PPM1L: variants seen among roughly 807,000 people sequenced by gnomAD.
PPM1L encodes the protein protein phosphatase, Mg2+/Mn2+ dependent 1L.
PPM1L carries 13 observed loss-of-function variants against 31.4 expected under a neutral mutation model. That is an observed-to-expected ratio of 0.41 (90% CI 0.27 to 0.66). The LOEUF is 0.66. PPM1L is among the 30% of genes least tolerant of loss of function. PPM1L has a pLI of 0.29. For missense variants in PPM1L, 326 were observed against 453.7 expected (o/e 0.72, Z 2.56); for synonymous variants, 184 against 175.4 (o/e 1.05, Z -0.39).
In PPM1L at chr3:161,015,087, G is replaced by T. The variant is rs575689412; in HGVS notation, c.575-50316G>T. 4.0e-5 allele frequency among the ~76,000 whole-genome samples: 6 copies of T among 151,468 alleles called. No individual in the cohort carries two copies. In the South Asian group the frequency reaches 1.3e-3, roughly 32 times the overall value. ...GCAGTTGGTAGGGGGAGTAGCAAAGGGGGGTGAATGGGAGAAATTTGTAAT... is the reference window on the plus strand; with the variant it reads ...GCAGTTGGTAGGGGGAGTAGCAAAGTGGGGTGAATGGGAGAAATTTGTAAT... On this transcript the variant is annotated intron_variant, in intron 2 of 3. Transcript: ENST00000498165.
Position 160,922,042 on chromosome 3 carries a change from G to A in PPM1L, c.400-39694G>A, listed in dbSNP as rs539905401. Among the ~76,000 whole-genome samples the A allele has an allele frequency of 2.9e-4, 44 of 152,284 alleles. 1 individual carries two copies. Among genetic ancestry groups the A allele is most frequent in the South Asian group, 2.5e-3 (12 of 4,830 alleles). On this transcript the variant is annotated intron_variant, in intron 1 of 3. Transcript: ENST00000498165. Reference sequence around the variant, plus strand: ...ATTCCTGCTGACGGCTGGGCACGGTGGCTCACACCTGTAATCCCAGCACTT... The same window carrying A: ...ATTCCTGCTGACGGCTGGGCACGGTAGCTCACACCTGTAATCCCAGCACTT...
chr3:161,041,160 A>G (rs1294731847), intron 2 of PPM1L, among the ~76,000 whole-genome samples: 1 of 152,228 alleles, frequency 6.6e-6, no homozygotes, highest in African/African-American at 2.4e-5. Flanking sequence ...CCAGGTCTTT[A>G]GACAAACTCA....
intron 2 of PPM1L, among the ~76,000 whole-genome samples, chr3:161,010,266 C>T (rs1576780863): frequency 1.3e-5 from 2 of 151,662 alleles, no homozygotes; most frequent in African/African-American, 4.9e-5. Context: ...GGTTTTTTGT[C>T]CTTGTGCTAG....
intron 1 of PPM1L, among the ~76,000 whole-genome samples, chr3:160,808,403 G>GTGCGCGCGCGCA: frequency 2.7e-5 from 4 of 149,410 alleles, no homozygotes; most frequent in African/African-American, 1.0e-4. Context: ...GTGTGTGTGT[G>GTGCGCGCGCGCA]TGTGTGTGTG....
Position 160,824,242 on chromosome 3 carries a change from A to G in PPM1L, c.399+67535A>G, listed in dbSNP as rs568411729. On this transcript the variant is annotated intron_variant, in intron 1 of 3. Transcript: ENST00000498165. ...GCCATGAGAGGATAGAATGAGGAATAGGCAGTCTGCAACCTGGAAAAGAGT... is the reference window on the plus strand; with the variant it reads ...GCCATGAGAGGATAGAATGAGGAATGGGCAGTCTGCAACCTGGAAAAGAGT... Among the ~76,000 whole-genome samples, 3 of 152,198 alleles carry G rather than the reference A, an allele frequency of 2.0e-5. No homozygotes were observed. The South Asian group carries it at 6.2e-4, about 32-fold the overall frequency.
intron 1 of PPM1L, among the ~76,000 whole-genome samples, chr3:160,837,010 ATTAT>A (rs1713737676): frequency 6.6e-6 from 1 of 152,174 alleles, no homozygotes; most frequent in Non-Finnish European, 1.5e-5. Context: ...TACACATTGA[ATTAT>A]TTGAGTTCCA....
At chr3:161,013,196 T>C (rs1380624307) in intron 2 of PPM1L, among the ~76,000 whole-genome samples, 1 of 152,256 alleles carries the variant, frequency 6.6e-6, no homozygotes, top group Non-Finnish European at 1.5e-5. Flanking sequence ...CTGTTTTAAA[T>C]ATGTCCCAGA....
intron 2 of PPM1L, among the ~76,000 whole-genome samples, chr3:161,048,849 A>G (rs1576806178): frequency 6.9e-6 from 1 of 145,978 alleles, no homozygotes; most frequent in East Asian, 2.1e-4. Flanking sequence ...CAAACACTGC[A>G]TGTTCTCACT....
rs1719931558 is a variant in PPM1L, at chr3:161,071,907, C to T, written c.*2750C>T. The T allele has an allele frequency of 6.6e-6, 1 of 151,350 alleles. No individual in the cohort carries two copies. The highest frequency in any genetic ancestry group is 6.6e-5 in the Admixed American group (1 of 15,184). The allele number at this position is 151,350 out of a possible 1,614,324, so 9.4% of individuals were successfully genotyped here. On this transcript the variant is annotated 3_prime_UTR_variant, in exon 4 of 4. Coordinates refer to ENST00000498165, the MANE Select transcript of PPM1L (RefSeq NM_139245.4). ...CACTGCCAAAGCTTTGGAATTGTCACCCAAGGCTTCCTAGACTCCCTAGCT... is the reference window on the plus strand; with the variant it reads ...CACTGCCAAAGCTTTGGAATTGTCATCCAAGGCTTCCTAGACTCCCTAGCT...
intron 1 of PPM1L, among the ~76,000 whole-genome samples, chr3:160,767,610 T>C (rs1226884961): frequency 6.6e-6 from 1 of 152,218 alleles, no homozygotes; most frequent in Non-Finnish European, 1.5e-5. Context: ...TCTGGAGTAG[T>C]AAACACTTAT....
chr3:160,929,683 A>G (rs1223985948), intron 1 of PPM1L, among the ~76,000 whole-genome samples: 3 of 152,184 alleles, frequency 2.0e-5, no homozygotes, highest in East Asian at 1.9e-4. Context: ...GTTTTCAGCA[A>G]TCTGTTCCAT....
At chr3:160,921,635 C>T (rs1714410747) in intron 1 of PPM1L, among the ~76,000 whole-genome samples, 2 of 152,056 alleles carry the variant, frequency 1.3e-5, no homozygotes, top group African/African-American at 4.8e-5. Context: ...TAAATAATAA[C>T]TTCACATTTA....
At chr3:161,031,885 C>G (rs1171269062) in intron 2 of PPM1L, among the ~76,000 whole-genome samples, 1 of 152,054 alleles carries the variant, frequency 6.6e-6, no homozygotes, top group African/African-American at 2.4e-5. Context: ...GATGCTGTTC[C>G]CAAACAGCTT....
At chr3:160,882,759 C>A (rs1441180432) in intron 1 of PPM1L, among the ~76,000 whole-genome samples, 1 of 152,194 alleles carries the variant, frequency 6.6e-6, no homozygotes, top group Non-Finnish European at 1.5e-5. Flanking sequence ...CCCAGTTGTC[C>A]TCCTCAGAGG....
Position 161,049,453 on chromosome 3 carries a change from G to A in PPM1L, c.575-15950G>A, listed in dbSNP as rs150773414. ...AAACTTTAAAGAATCCTTAAATAAA[G>A]TTATATGCTGCTAAAACTAACTGCC... On this transcript the variant is annotated intron_variant, in intron 2 of 3. Transcript: ENST00000498165. Among the ~76,000 whole-genome samples, 653 of 152,258 alleles carry A rather than the reference G, an allele frequency of 4.3e-3. 4 individuals carry two copies. Among genetic ancestry groups the A allele is most frequent in the African/African-American group, 0.015 (626 of 41,538 alleles).
At chr3:161,053,169 G>C (rs1002675166) in intron 2 of PPM1L, among the ~76,000 whole-genome samples, 6 of 152,180 alleles carry the variant, frequency 3.9e-5, no homozygotes, top group African/African-American at 1.4e-4. Context: ...ACCATTAAAA[G>C]ATACTGGACT....
chr3:161,017,874 A>G (rs1366030760), intron 2 of PPM1L, among the ~76,000 whole-genome samples: 1 of 152,160 alleles, frequency 6.6e-6, no homozygotes, highest in Non-Finnish European at 1.5e-5. Context: ...GAATCTGTAA[A>G]GCACCTGCTT....
intron 2 of PPM1L, among the ~76,000 whole-genome samples, chr3:160,993,230 C>A (rs1289527171): frequency 2.0e-5 from 3 of 152,040 alleles, no homozygotes; most frequent in East Asian, 3.8e-4. Flanking sequence ...GAATATCTAA[C>A]AAAAAACTTT....
chr3:160,875,170 G>T (rs565535254), intron 1 of PPM1L, among the ~76,000 whole-genome samples: 1 of 152,192 alleles, frequency 6.6e-6, no homozygotes, highest in South Asian at 2.1e-4. Flanking sequence ...CTAATCTCTA[G>T]CATAGAATTA....
Sources: gnomAD v4.1 joint callset for allele counts (sites outside exome capture counted in the v4.1 genomes callset) on GRCh38, gnomAD v4.1.1 for gene constraint, MANE v1.5 for transcripts, NCBI Gene and HGNC (gene_info 2026-07-23, HGNC 2026-07-21) for gene names.